TXLNB: variants seen among roughly 807,000 people sequenced by gnomAD.
TXLNB encodes the protein taxilin beta.
Under a neutral mutation model 57.4 loss-of-function variants are expected in TXLNB, and 37 were observed. The observed-to-expected ratio is 0.64, with a 90% CI of 0.50 to 0.85. TXLNB has a LOEUF of 0.85. Ranked by LOEUF, TXLNB falls within the 40% of genes least tolerant of loss-of-function variation. The pLI is 0.00. For missense variants in TXLNB, 848 were observed against 825.6 expected (o/e 1.03, Z -0.33); for synonymous variants, 302 against 309.6 (o/e 0.98, Z 0.26).
At chr6:139,174,954 A>G in the TXLNB span, among the ~76,000 whole-genome samples, 2 of 152,300 alleles carry the variant, frequency 1.3e-5, no homozygotes, top group African/African-American at 4.8e-5. Context: ...TTTCTAATAG[A>G]AAAAATGTTA....
At chr6:139,258,736 C>G (rs907640815) in intron 6 of TXLNB, among the ~76,000 whole-genome samples, 5 of 152,176 alleles carry the variant, frequency 3.3e-5, no homozygotes, top group African/African-American at 1.2e-4. Context: ...CTCACCCCAG[C>G]AACAGATACA....
At chr6:139,179,996 A>G in the TXLNB span, 3 of 152,096 alleles carry the variant, frequency 2.0e-5, no homozygotes, top group Non-Finnish European at 4.4e-5. Flanking sequence ...TTTCTGATTG[A>G]TTGTTTTCTC....
In TXLNB at chr6:139,288,471, C is replaced by T. The variant is rs751572214; in HGVS notation, c.424+5G>A. 2 of 1,612,874 alleles carry T rather than the reference C, an allele frequency of 1.2e-6. No individual in the cohort carries two copies. Among genetic ancestry groups the T allele is most frequent in the Admixed American group, 3.3e-5 (2 of 59,850 alleles). On this transcript the variant is annotated splice_donor_5th_base_variant and intron_variant, in intron 2 of 9. Transcript: ENST00000358430. ...AAAGTCACATATTTGAACATAACTA[C>T]TTGCCTAATCCTTTTAGGATTTTCT...
At chr6:139,318,175 C>T in the TXLNB span, among the ~76,000 whole-genome samples, 1 of 146,142 alleles carries the variant, frequency 6.8e-6, no homozygotes. Context: ...GAGGCTGAGG[C>T]AGGAGAATGG....
the TXLNB span, among the ~76,000 whole-genome samples, chr6:139,197,216 A>C: frequency 6.6e-6 from 1 of 152,186 alleles, no homozygotes; most frequent in South Asian, 2.1e-4. Flanking sequence ...ACTGTTGAAA[A>C]TGCAGCTGCT....
the TXLNB span, among the ~76,000 whole-genome samples, chr6:139,184,156 T>C: frequency 6.6e-6 from 1 of 152,154 alleles, no homozygotes. Flanking sequence ...TACACAAACA[T>C]GGAAGGAGAA....
chr6:139,318,421 G>A, the TXLNB span, among the ~76,000 whole-genome samples: 3 of 151,940 alleles, frequency 2.0e-5, no homozygotes, highest in African/African-American at 7.2e-5. Flanking sequence ...AAAAGGAAAC[G>A]AGAAAGAGAA....
At chr6:139,268,868 C>CTA (rs1776682300) in intron 4 of TXLNB, 2 of 152,136 alleles carry the variant, frequency 1.3e-5, no homozygotes, top group Admixed American at 1.3e-4. Flanking sequence ...GGGAGAATCT[C>CTA]TAGCCAGTTG....
the TXLNB span, among the ~76,000 whole-genome samples, chr6:139,299,953 C>T: frequency 0.44 from 66,532 of 151,644 alleles, 17,240 homozygotes; most frequent in East Asian, 0.57. Context: ...TAAAAGCATC[C>T]CTTTCAAATA....
the TXLNB span, among the ~76,000 whole-genome samples, chr6:139,312,753 T>C: frequency 5.9e-5 from 9 of 152,178 alleles, no homozygotes; most frequent in African/African-American, 2.2e-4. Context: ...GTTACCCTTT[T>C]GTAAGGATAA....
rs2114421058 is a variant in TXLNB at position 139,243,114 on chromosome 6, GT to G, written c.1466del (p.Asp489AlafsTer12). 1 of 1,614,164 alleles carries G rather than the reference GT, an allele frequency of 6.2e-7. No homozygotes were observed. The highest frequency in any genetic ancestry group is 1.1e-5 in the South Asian group (1 of 91,074). On this transcript the variant is annotated frameshift_variant, in exon 10 of 10. Coordinates refer to ENST00000358430, the MANE Select transcript of TXLNB (RefSeq NM_153235.4). LOFTEE classifies it low-confidence loss of function (END_TRUNC). ...TTTGGACACTATTAACCTCCTCTGC[GT>G]CAATCTCTTGATCCACAGAGACGTT... ...ESNVSVDQEI[D>X]AEEVNSVQTA...
At chr6:139,253,927 T>G (rs12526937) in intron 7 of TXLNB, among the ~76,000 whole-genome samples, 13,142 of 152,198 alleles carry the variant, frequency 0.086, 624 homozygotes, top group Middle Eastern at 0.11. Context: ...CAGATAGAAT[T>G]AGAGGCCTTG....
intron 5 of TXLNB, among the ~76,000 whole-genome samples, chr6:139,261,901 C>CCT (rs1776491206): frequency 8.5e-6 from 1 of 117,898 alleles, no homozygotes; most frequent in African/African-American, 3.5e-5. Context: ...AATACAGACT[C>CCT]TTTTTTTTTT....
At chr6:139,217,606 C>A in the TXLNB span, among the ~76,000 whole-genome samples, 1 of 152,050 alleles carries the variant, frequency 6.6e-6, no homozygotes, top group Non-Finnish European at 1.5e-5. Flanking sequence ...TGGCGGCTCA[C>A]ACCTGTAATC....
rs761381494 is a variant in TXLNB, at chr6:139,270,542, G to C, written c.601C>G (p.Gln201Glu). 2 of 1,614,062 alleles carry C rather than the reference G, an allele frequency of 1.2e-6. No individual in the cohort carries two copies. The highest frequency in any genetic ancestry group is 1.1e-5 in the South Asian group (1 of 91,092). The change falls in exon 4 of 10, where the codon CAA becomes GAA. Residue 201 changes from glutamine (Q) to glutamate (E), a missense_variant. By Grantham distance (29) the Gln-to-Glu change is conservative. Coordinates refer to ENST00000358430, the MANE Select transcript of TXLNB (RefSeq NM_153235.4). ...VQIQKEKDQL[Q>E]GEHSRAILAR... ...AGGATAGCTCTGCTGTGTTCACCTT[G>C]TAACTGGTCCTTTTCTTTTTGAATT...
At chr6:139,160,205 A>G in the TXLNB span, among the ~76,000 whole-genome samples, 1 of 152,208 alleles carries the variant, frequency 6.6e-6, no homozygotes, top group Non-Finnish European at 1.5e-5. Context: ...GGTACTGACT[A>G]CTTGATGATG....
chr6:139,192,978 AAAAAAAAAACAAC>A, the TXLNB span, among the ~76,000 whole-genome samples: 1 of 148,346 alleles, frequency 6.7e-6, no homozygotes, highest in African/African-American at 2.5e-5. Context: ...CAAAAAACAA[AAAAAAAAAACAAC>A]AAAAAAACCC....
intron 4 of TXLNB, among the ~76,000 whole-genome samples, chr6:139,266,714 A>G (rs1283206242): frequency 6.6e-6 from 1 of 152,132 alleles, no homozygotes; most frequent in Non-Finnish European, 1.5e-5. Context: ...AAGAAATTCA[A>G]ATTTGGTAAA....
the TXLNB span, among the ~76,000 whole-genome samples, chr6:139,181,535 T>C: frequency 6.6e-6 from 1 of 152,210 alleles, no homozygotes; most frequent in Admixed American, 6.5e-5. Flanking sequence ...CAGGTCACCT[T>C]TATTTTACCC....
Sources: allele counts gnomAD v4.1 joint callset (sites outside exome capture counted in the v4.1 genomes callset), GRCh38; gene constraint gnomAD v4.1.1; transcripts MANE v1.5; gene names NCBI Gene and HGNC (gene_info 2026-07-23, HGNC 2026-07-21).